ASH1L: variants seen among roughly 807,000 people sequenced by gnomAD.
The protein encoded by ASH1L is ASH1 like histone lysine methyltransferase.
In ASH1L, 23 loss-of-function variants were observed where a neutral mutation model predicts 269.0. The observed-to-expected ratio is 0.09, with a 90% CI of 0.06 to 0.12. The LOEUF is 0.12. ASH1L is among the 10% of genes least tolerant of loss of function. The probability of loss-of-function intolerance (pLI) is 1.00; values close to 1 mark genes in which losing one functional copy is unlikely to be tolerated. For missense variants in ASH1L, 2,912 were observed against 3,567.8 expected (o/e 0.82, Z 4.68); for synonymous variants, 1,187 against 1,253.5 (o/e 0.95, Z 1.12).
Position 155,439,010 on chromosome 1 carries a change from A to C in ASH1L, c.5145T>G (p.Asp1715Glu). The C allele has an allele frequency of 1.2e-6, 2 of 1,614,146 alleles. No individual in the cohort carries two copies. The highest frequency in any genetic ancestry group is 1.7e-6 in the Non-Finnish European group (2 of 1,180,014). The change falls in exon 5 of 28, where the codon GAT becomes GAG. Residue 1715 changes from aspartate to glutamate, a missense_variant. Asp to Glu is a conservative substitution (Grantham distance 45). Coordinates refer to ENST00000392403, the MANE Select transcript of ASH1L (RefSeq NM_018489.3). ...RLVASGDDSVDSLLQRMVQNE... is the reference protein window; with the variant it reads ...RLVASGDDSVESLLQRMVQNE... ...TTTGTACCATCCGCTGCAGCAGACT[A>C]TCCACAGAGTCATCCCCAGAAGCAA...
At chr1:155,396,115 T>G (rs944932434) in intron 6 of ASH1L, 6 of 152,114 alleles carry the variant, frequency 3.9e-5, no homozygotes, top group Non-Finnish European at 7.3e-5. Context: ...TATTCCACCA[T>G]GTCTCTCTGG....
chr1:155,430,796 A>G (rs1266175701), intron 5 of ASH1L, among the ~76,000 whole-genome samples: 2 of 152,112 alleles, frequency 1.3e-5, no homozygotes, highest in Non-Finnish European at 1.5e-5. Flanking sequence ...TTATTTTCAT[A>G]AAATTGTTTT....
chr1:155,430,835 C>G (rs1178156708), intron 5 of ASH1L, among the ~76,000 whole-genome samples: 2 of 152,078 alleles, frequency 1.3e-5, no homozygotes, highest in Admixed American at 6.6e-5. Flanking sequence ...ATTGCCCAAG[C>G]TGGTCTCAAA....
chr1:155,519,811 T>A (rs1238160914), intron 2 of ASH1L, among the ~76,000 whole-genome samples: 1 of 151,810 alleles, frequency 6.6e-6, no homozygotes, highest in Non-Finnish European at 1.5e-5. Context: ...GCACCTGCCA[T>A]CATGGTTGGC....
intron 2 of ASH1L, among the ~76,000 whole-genome samples, chr1:155,487,322 G>C (rs1343239548): frequency 1.3e-5 from 2 of 152,004 alleles, no homozygotes; most frequent in Admixed American, 6.6e-5. Flanking sequence ...TCATGGTAAG[G>C]ACAGTAATGA....
intron 7 of ASH1L, 63 bp downstream of exon 7, chr1:155,395,396 T>C: frequency 8.2e-7 from 1 of 1,212,682 alleles, no homozygotes; most frequent in South Asian, 1.4e-5. Context: ...AAAAAGACAT[T>C]TCCCTCAAAC....
At position 155,372,808 on chromosome 1, in the gene ASH1L, A is replaced by AAT. The variant is rs1304388933; in HGVS notation, c.6333-1826_6333-1825insAT. ...ATTTTTAAGAGTACAGTTCAGTGAC[A>AAT]TTAGGTATATTTGCTGCTGTTGTAT... On this transcript the variant is annotated intron_variant, in intron 10 of 27. Coordinates refer to ENST00000392403, the MANE Select transcript of ASH1L (RefSeq NM_018489.3). Among the ~76,000 whole-genome samples the AAT allele has an allele frequency of 4.6e-5, 7 of 152,184 alleles. No homozygotes were observed. In the East Asian group the frequency reaches 1.3e-3, roughly 29 times the overall value.
At chr1:155,399,251 A>C (rs1658628179) in intron 6 of ASH1L, among the ~76,000 whole-genome samples, 1 of 152,220 alleles carries the variant, frequency 6.6e-6, no homozygotes, top group Admixed American at 6.5e-5. Context: ...AAGTTGAACA[A>C]AGGGTGGCCC....
intron 1 of ASH1L, among the ~76,000 whole-genome samples, chr1:155,544,509 G>A (rs1371447751): frequency 2.7e-5 from 4 of 150,688 alleles, no homozygotes; most frequent in African/African-American, 7.3e-5. Flanking sequence ...GGATGGTCTC[G>A]ATCTCCTGCC....
chr1:155,475,068 C>T (rs560307717), intron 3 of ASH1L, among the ~76,000 whole-genome samples: 44 of 152,310 alleles, frequency 2.9e-4, no homozygotes, highest in Non-Finnish European at 5.4e-4. Flanking sequence ...TCTTTCACCA[C>T]GATGAAGCTT....
intron 3 of ASH1L, among the ~76,000 whole-genome samples, chr1:155,473,262 A>G (rs933024908): frequency 6.6e-6 from 1 of 152,186 alleles, no homozygotes; most frequent in Non-Finnish European, 1.5e-5. Context: ...CCTACTGGCA[A>G]CAGACTTTTC....
At chr1:155,384,481 G>T (rs1571063409) in intron 7 of ASH1L, among the ~76,000 whole-genome samples, 1 of 151,244 alleles carries the variant, frequency 6.6e-6, no homozygotes, top group African/African-American at 2.4e-5. Flanking sequence ...AATTGGTGTG[G>T]TTTTTTTTTG....
intron 5 of ASH1L, among the ~76,000 whole-genome samples, chr1:155,416,239 T>C (rs1200714584): frequency 6.6e-6 from 1 of 152,050 alleles, no homozygotes; most frequent in African/African-American, 2.4e-5. Context: ...CAAGCAATTC[T>C]CCTGCCTCAG....
chr1:155,404,864 C>T (rs934824659), intron 6 of ASH1L, among the ~76,000 whole-genome samples: 1 of 151,586 alleles, frequency 6.6e-6, no homozygotes, highest in Non-Finnish European at 1.5e-5. Context: ...TCTTTCTCTA[C>T]TAAAAACACA....
intron 1 of ASH1L, among the ~76,000 whole-genome samples, chr1:155,546,009 A>T (rs1670789405): frequency 6.6e-6 from 1 of 152,070 alleles, no homozygotes; most frequent in Non-Finnish European, 1.5e-5. Flanking sequence ...ATACAAAAAA[A>T]CTAGCCAGGC....
intron 6 of ASH1L, among the ~76,000 whole-genome samples, chr1:155,399,773 A>T (rs1658674681): frequency 6.6e-6 from 1 of 152,210 alleles, no homozygotes; most frequent in Non-Finnish European, 1.5e-5. Flanking sequence ...AACTTATTTG[A>T]AAAGATAAAT....
intron 5 of ASH1L, among the ~76,000 whole-genome samples, chr1:155,422,531 T>C: frequency 6.6e-6 from 1 of 151,844 alleles, no homozygotes; most frequent in Non-Finnish European, 1.5e-5. Flanking sequence ...TGCCTGGGAT[T>C]ACAGGCATGA....
At chr1:155,357,862 C>CT in intron 13 of ASH1L, 113 bp from the exon 14 acceptor site, 1 of 964,104 alleles carries the variant, frequency 1.0e-6, no homozygotes. Flanking sequence ...TCTCAACCTC[C>CT]TGGGCTCAAC....
At chr1:155,511,597 C>G (rs1161636656) in intron 2 of ASH1L, among the ~76,000 whole-genome samples, 7 of 152,188 alleles carry the variant, frequency 4.6e-5, no homozygotes, top group African/African-American at 1.7e-4. Context: ...CCTCCGCCTC[C>G]CGGGCTGAAG....
Sources: allele counts gnomAD v4.1 joint callset (sites outside exome capture counted in the v4.1 genomes callset), GRCh38; gene constraint gnomAD v4.1.1; transcripts MANE v1.5; gene names NCBI Gene and HGNC (gene_info 2026-07-23, HGNC 2026-07-21).